Variants in OR13C3 observed in about 807,000 individuals in gnomAD.
The protein encoded by OR13C3 is olfactory receptor 13C3.
A neutral mutation model predicts 14.4 loss-of-function variants in OR13C3; 19 were observed. The ratio of observed to expected loss-of-function variants is 1.31; its 90% CI spans 0.92 to 1.93. The LOEUF (loss-of-function observed/expected upper bound fraction) is 1.93, where lower values mean the gene tolerates loss of function less well. Among genes scored for constraint, OR13C3 ranks in the 30% most tolerant of loss-of-function variants. OR13C3 has a pLI of 0.00. For missense variants in OR13C3, 394 were observed against 381.4 expected (o/e 1.03, Z -0.27); for synonymous variants, 140 against 142.5 (o/e 0.98, Z 0.12).
At chr9:104,536,804 GAAC>G in exon 1 of OR13C3, 1 of 1,607,756 alleles carries the variant, frequency 6.2e-7, no homozygotes, top group Non-Finnish European at 8.5e-7. Flanking sequence ...CAAATTAACT[GAAC>G]AATCATTCTT....
Position 104,536,619 on chromosome 9 carries a change from G to T in OR13C3, c.105C>A (p.Tyr35Ter). Residue 35 changes from tyrosine (Y) to a stop codon, truncating the protein, a stop_gained, in exon 1 of 1, where the codon TAC becomes TAA. Coordinates refer to ENST00000641090, the Ensembl canonical transcript of OR13C3. LOFTEE classifies it high-confidence loss of function. Reference sequence around the variant, plus strand: ...CACCATTGCCAATTAGAATCACTAGGTACATAACTAGAATGAGAGCAAAGT... The same window carrying T: ...CACCATTGCCAATTAGAATCACTAGTTACATAACTAGAATGAGAGCAAAGT... 1.9e-6 allele frequency: 3 copies of T among 1,613,984 alleles called. No homozygotes were observed. Among genetic ancestry groups the T allele is most frequent in the East Asian group, 4.5e-5 (2 of 44,876 alleles).
exon 1 of OR13C3, chr9:104,536,243 A>G (rs1828815698): frequency 1.9e-6 from 3 of 1,614,004 alleles, no homozygotes; most frequent in Admixed American, 1.7e-5. Context: ...ATGGCAAGTA[A>G]TGTTTGCACA....
chr9:104,535,791 C>G (rs778591540), exon 1 of OR13C3: 2 of 1,608,750 alleles, frequency 1.2e-6, no homozygotes, highest in Non-Finnish European at 1.7e-6. Context: ...GTTTTTTGTT[C>G]AGCAAATATT....
In OR13C3 at chr9:104,536,270, C is replaced by T. The variant is rs758735703; in HGVS notation, c.454G>A (p.Gly152Ser). The T allele has an allele frequency of 2.0e-5, 32 of 1,613,996 alleles. No individual in the cohort carries two copies. Among genetic ancestry groups the T allele is most frequent in the Middle Eastern group, 3.3e-4 (2 of 6,062 alleles). The stretch of plus-strand genomic sequence containing the variant: ...GTTTGCACAGCTGAATTTATTCCAC[C>T]GGACAGCCAGGACACAGAAGCCATC... The change falls in exon 1 of 1, where the codon GGT becomes AGT. Residue 152 changes from glycine (G) to serine (S), a missense_variant. Gly to Ser is a moderately conservative substitution (Grantham distance 56). Coordinates refer to ENST00000641090, the Ensembl canonical transcript of OR13C3.
exon 1 of OR13C3, chr9:104,536,236 G>A: frequency 6.2e-7 from 1 of 1,614,010 alleles, no homozygotes; most frequent in Non-Finnish European, 8.5e-7. Context: ...CAGTCTCATG[G>A]CAAGTAATGT....
exon 1 of OR13C3, chr9:104,536,753 A>T (rs757976169): frequency 2.5e-6 from 4 of 1,613,848 alleles, no homozygotes; most frequent in African/African-American, 1.3e-5. Flanking sequence ...TCAAAAGAAG[A>T]TCTAACATGA....
chr9:104,536,074 G>T, exon 1 of OR13C3: 1 of 1,613,972 alleles, frequency 6.2e-7, no homozygotes, highest in Middle Eastern at 1.6e-4. Context: ...GAACATATAG[G>T]AGAAAAAAAT....
At chr9:104,536,545 T>A in exon 1 of OR13C3, 1 of 1,614,132 alleles carries the variant, frequency 6.2e-7, no homozygotes, top group Non-Finnish European at 8.5e-7. Context: ...CAGGAAGAAG[T>A]ACATTGGTGT....
exon 1 of OR13C3, chr9:104,536,254 G>A (rs779354913): frequency 3.7e-6 from 6 of 1,614,094 alleles, no homozygotes; most frequent in Non-Finnish European, 4.2e-6. Context: ...TGTTTGCACA[G>A]CTGAATTTAT....
At chr9:104,535,942 T>C in exon 1 of OR13C3, 1 of 1,614,164 alleles carries the variant, frequency 6.2e-7, no homozygotes, top group African/African-American at 1.3e-5. Context: ...AGACTTCGGT[T>C]TCGCATACAT....
At chr9:104,535,961 T>C (rs1374136412) in exon 1 of OR13C3, 6 of 1,614,114 alleles carry the variant, frequency 3.7e-6, no homozygotes, top group Non-Finnish European at 5.1e-6. Flanking sequence ...ATAAAGAAGA[T>C]GGTACCGTAA....
chr9:104,536,098 A>AG lies in OR13C3; in HGVS notation c.625dup (p.Leu209ProfsTer89). On this transcript the variant is annotated frameshift_variant, in exon 1 of 1. Coordinates refer to ENST00000641090, the Ensembl canonical transcript of OR13C3. LOFTEE classifies it high-confidence loss of function. ...GGAGAAAAAAATGACCATCAGTGGA[A>AG]GAACCAGGAAGGCCATATTTGATAT... 6.2e-7 allele frequency: 1 copy of AG among 1,614,018 alleles called. No homozygotes were observed. The highest frequency in any genetic ancestry group is 8.5e-7 in the Non-Finnish European group (1 of 1,179,876).
In OR13C3 at chr9:104,535,830, CA is replaced by C. The variant is rs1279620225; in HGVS notation, c.893del (p.Leu298Ter). On this transcript the variant is annotated frameshift_variant, in exon 1 of 1. Coordinates refer to ENST00000641090, the Ensembl canonical transcript of OR13C3. LOFTEE classifies it high-confidence loss of function. ...CAGCAGCTTTTACATCCTTATTTCT[CA>C]AGCTATAGAGTATAGGATTCAGCAT... is the stretch of plus-strand genomic sequence containing the variant. 7.4e-6 allele frequency: 12 copies of C among 1,613,284 alleles called. No individual in the cohort carries two copies. Among genetic ancestry groups the C allele is most frequent in the Non-Finnish European group, 1.0e-5 (12 of 1,179,640 alleles).
At chr9:104,536,020 C>A in exon 1 of OR13C3, 2 of 1,613,954 alleles carry the variant, frequency 1.2e-6, no homozygotes, top group Non-Finnish European at 1.7e-6. Context: ...AAATGCCTTG[C>A]GTCTTCCTGT....
Position 104,535,843 on chromosome 9 carries a change from A to G in OR13C3, c.881T>C (p.Ile294Thr), listed in dbSNP as rs968729100. 1.9e-6 allele frequency: 3 copies of G among 1,613,638 alleles called. No individual in the cohort carries two copies. In the East Asian group the frequency reaches 6.7e-5, roughly 36 times the overall value. ...ATCCTTATTTCTCAAGCTATAGAGT[A>G]TAGGATTCAGCATGGGTGTCACTAC... is the stretch of plus-strand genomic sequence containing the variant. Residue 294 changes from isoleucine to threonine, a missense_variant, in exon 1 of 1, where the codon ATA becomes ACA. Coordinates refer to ENST00000641090, the Ensembl canonical transcript of OR13C3.
chr9:104,536,054 T>C, exon 1 of OR13C3: 2 of 1,613,978 alleles, frequency 1.2e-6, no homozygotes, highest in South Asian at 1.1e-5. Context: ...TGCAAGATGG[T>C]GTAGAGGATG....
exon 1 of OR13C3, chr9:104,536,005 G>T (rs145157195): frequency 6.2e-7 from 1 of 1,613,886 alleles, no homozygotes; most frequent in African/African-American, 1.3e-5. Context: ...AGCTGAGCAC[G>T]TGGAAAATGC....
At position 104,535,967 on chromosome 9, in the gene OR13C3, C is replaced by G. The variant is rs772789062; in HGVS notation, c.757G>C (p.Gly253Arg). The change falls in exon 1 of 1, where the codon GGT becomes CGT. Residue 253 changes from glycine to arginine, a missense_variant. Gly to Arg is a moderately radical substitution (Grantham distance 125, BLOSUM62 -2). Transcript: ENST00000641090. ...TTCGCATACATAAAGAAGATGGTAC[C>G]GTAAAATATGATCACCACAGTCAGG... 4 of 1,613,830 alleles carry G rather than the reference C, an allele frequency of 2.5e-6. No individual in the cohort carries two copies. In the Admixed American group the frequency reaches 6.7e-5, roughly 27 times the overall value.
exon 1 of OR13C3, chr9:104,535,832 A>T: frequency 6.2e-7 from 1 of 1,613,680 alleles, no homozygotes. Flanking sequence ...TTATTTCTCA[A>T]GCTATAGAGT....
Sources: allele counts gnomAD v4.1 joint callset, GRCh38; gene constraint gnomAD v4.1.1; transcripts MANE v1.5; gene names NCBI Gene and HGNC (gene_info 2026-07-23, HGNC 2026-07-21).